SLC15A1: variants seen among roughly 807,000 people sequenced by gnomAD.
SLC15A1 encodes the protein solute carrier family 15 member 1.
SLC15A1 carries 83 observed loss-of-function variants against 92.9 expected under a neutral mutation model. The ratio of observed to expected loss-of-function variants is 0.89; its 90% CI spans 0.75 to 1.07. The LOEUF is 1.07. SLC15A1 is among the 50% of genes least tolerant of loss of function. The pLI is 0.00. For synonymous variants in SLC15A1, 322 were observed against 318.2 expected (o/e 1.01, Z -0.13); for missense variants, 857 against 880.1 (o/e 0.97, Z 0.33).
chr13:98,706,363 T>A, intron 15 of SLC15A1, 110 bp from the exon 16 acceptor site: 1 of 1,240,648 alleles, frequency 8.1e-7, no homozygotes, highest in Non-Finnish European at 1.1e-6. Flanking sequence ...CTGCGCTGGC[T>A]GAAACACGCC....
At chr13:98,727,762 G>C (rs2088314582) in intron 1 of SLC15A1, among the ~76,000 whole-genome samples, 1 of 152,154 alleles carries the variant, frequency 6.6e-6, no homozygotes, top group African/African-American at 2.4e-5. Context: ...GTTCATCCGT[G>C]TCTATCACAT....
chr13:98,750,010 C>T (rs1231622142), intron 1 of SLC15A1, among the ~76,000 whole-genome samples: 2 of 152,110 alleles, frequency 1.3e-5, no homozygotes, highest in Admixed American at 1.3e-4. Flanking sequence ...CTGGGGCTTT[C>T]CAGAAGAGAC....
At position 98,726,274 on chromosome 13, in the gene SLC15A1, A is replaced by G. The variant is rs1383463730; in HGVS notation, c.104-10T>C. On this transcript the variant is annotated splice_polypyrimidine_tract_variant and intron_variant, in intron 3 of 22. Coordinates refer to ENST00000376503, the MANE Select transcript of SLC15A1 (RefSeq NM_005073.4). Reference sequence around the variant, plus strand: ...TACAGAATCAGGATTGCTTTTGCAGAGGGCAGGTGGAAGAGGAGGGGGAAA... The same window carrying G: ...TACAGAATCAGGATTGCTTTTGCAGGGGGCAGGTGGAAGAGGAGGGGGAAA... 11 of 1,613,992 alleles carry G rather than the reference A, an allele frequency of 6.8e-6. No homozygotes were observed. Among genetic ancestry groups the G allele is most frequent in the Non-Finnish European group, 6.8e-6 (8 of 1,179,992 alleles).
intron 1 of SLC15A1, among the ~76,000 whole-genome samples, chr13:98,731,573 A>C (rs2088351064): frequency 6.6e-6 from 1 of 151,796 alleles, no homozygotes; most frequent in Admixed American, 6.6e-5. Flanking sequence ...AACCCAAATC[A>C]CCCAAATCCA....
intron 1 of SLC15A1, 140 bp downstream of exon 1, chr13:98,752,455 C>A: frequency 1.2e-6 from 1 of 811,916 alleles, no homozygotes; most frequent in Non-Finnish European, 1.7e-6. Context: ...GCCCCGCAAC[C>A]TCCCGGCCCC....
Position 98,687,856 on chromosome 13 carries a change from T to C in SLC15A1, c.1684-132A>G. On this transcript the variant is annotated intron_variant, in intron 20 of 22. Transcript: ENST00000376503. Reference sequence around the variant, plus strand: ...GTCAAGTACGTACACATTTTAAACATAAGGCAACACTGCATTTTACACTTG... The same window carrying C: ...GTCAAGTACGTACACATTTTAAACACAAGGCAACACTGCATTTTACACTTG... 2.8e-6 allele frequency: 3 copies of C among 1,071,698 alleles called. No homozygotes were observed. The South Asian group carries it at 5.0e-5, about 18-fold the overall frequency. 66.4% of individuals were successfully genotyped at this position (1,071,698 alleles called of 1,614,324 possible). A position where few individuals can be genotyped will look rare whatever the true frequency, so the allele number is the denominator to read the frequency against.
chr13:98,703,682 A>C (rs537763205), intron 17 of SLC15A1, among the ~76,000 whole-genome samples: 1 of 150,022 alleles, frequency 6.7e-6, no homozygotes, highest in East Asian at 2.0e-4. Context: ...CCAGCCACCC[A>C]AGTAGCTGGG....
intron 10 of SLC15A1, 21 bp from the exon 11 acceptor site, chr13:98,711,964 G>A: frequency 6.4e-7 from 1 of 1,568,886 alleles, no homozygotes; most frequent in African/African-American, 1.3e-5. Context: ...AGTGGGGAAG[G>A]GACAAATCAG....
At chr13:98,708,850 A>G (rs1868655514) in intron 14 of SLC15A1, 83 bp from the exon 15 acceptor site, 2 of 869,768 alleles carry the variant, frequency 2.3e-6, no homozygotes, top group South Asian at 2.2e-5. Flanking sequence ...CATCCCCCCA[A>G]CAAAACTAAA....
chr13:98,684,700 C>T lies in SLC15A1; in HGVS notation c.*24G>A. ...GGTCAGGGCATCTGCGGGCCCAGTC[C>T]ATCCTCCACTTGCCTCCTGACCTTC... On this transcript the variant is annotated 3_prime_UTR_variant, in exon 23 of 23. Transcript: ENST00000376503. The T allele has an allele frequency of 6.2e-7, 1 of 1,608,916 alleles. No individual in the cohort carries two copies. The highest frequency in any genetic ancestry group is 8.5e-7 in the Non-Finnish European group (1 of 1,176,254).
At chr13:98,713,356 C>A (rs1226305172) in intron 9 of SLC15A1, among the ~76,000 whole-genome samples, 1 of 152,142 alleles carries the variant, frequency 6.6e-6, no homozygotes, top group African/African-American at 2.4e-5. Context: ...CCATGCCTGG[C>A]CAGCATATCT....
intron 1 of SLC15A1, among the ~76,000 whole-genome samples, chr13:98,751,016 A>C (rs1454085204): frequency 6.6e-6 from 1 of 152,074 alleles, no homozygotes; most frequent in African/African-American, 2.4e-5. Flanking sequence ...TGGCCTCCCA[A>C]AGTGCTGGGA....
chr13:98,690,978 C>T (rs75528503), intron 18 of SLC15A1, among the ~76,000 whole-genome samples: 1,747 of 152,294 alleles, frequency 0.011, 20 homozygotes, highest in South Asian at 0.039. Flanking sequence ...CTGTGACCAG[C>T]TTCATCCCTC....
intron 1 of SLC15A1, among the ~76,000 whole-genome samples, chr13:98,737,659 G>A (rs1039351462): frequency 5.9e-5 from 9 of 152,190 alleles, no homozygotes; most frequent in Middle Eastern, 3.4e-3. Flanking sequence ...CTGCAGAACC[G>A]TGAGCCAATT....
chr13:98,752,533 G>C (rs929219955), intron 1 of SLC15A1, 62 bp downstream of exon 1: 17 of 1,262,254 alleles, frequency 1.3e-5, no homozygotes, highest in Non-Finnish European at 1.7e-5. Context: ...CCTCGGTGCC[G>C]GCCCCCGCCC....
At position 98,686,593 on chromosome 13, in the gene SLC15A1, A is replaced by G. The variant is rs182012669; in HGVS notation, c.1828-296T>C. 4.4e-3 allele frequency among the ~76,000 whole-genome samples: 671 copies of G among 152,268 alleles called. 7 individuals carry two copies. Among genetic ancestry groups the G allele is most frequent in the Middle Eastern group, 0.031 (9 of 294 alleles). On this transcript the variant is annotated intron_variant, in intron 21 of 22. Coordinates refer to ENST00000376503, the MANE Select transcript of SLC15A1 (RefSeq NM_005073.4). ...ATTTCTACAGGAGAGCTTCCAAGCA[A>G]AGCCACCCAGCCTGGCATAGTCTTC...
intron 1 of SLC15A1, among the ~76,000 whole-genome samples, chr13:98,729,300 CCA>C (rs2088329139): frequency 6.6e-6 from 1 of 152,036 alleles, no homozygotes; most frequent in South Asian, 2.1e-4. Flanking sequence ...TATGGCAACC[CCA>C]GTGTTTCGAG....
chr13:98,715,673 A>T (rs1393171588), intron 9 of SLC15A1, among the ~76,000 whole-genome samples: 1 of 152,174 alleles, frequency 6.6e-6, no homozygotes, highest in Non-Finnish European at 1.5e-5. Context: ...ATCTTATTTT[A>T]TAAGCTCAAG....
chr13:98,705,042 T>C (rs542449207), intron 16 of SLC15A1, among the ~76,000 whole-genome samples: 2 of 151,790 alleles, frequency 1.3e-5, no homozygotes, highest in South Asian at 4.2e-4. Context: ...CTATTAAAAA[T>C]ACAAAAATTA....
Sources: allele counts gnomAD v4.1 joint callset (sites outside exome capture counted in the v4.1 genomes callset), GRCh38; gene constraint gnomAD v4.1.1; transcripts MANE v1.5; gene names NCBI Gene and HGNC (gene_info 2026-07-23, HGNC 2026-07-21).